The following RCAN3 variants were observed in gnomAD, a reference collection of about 807,000 sequenced individuals.
RCAN3 encodes the protein calcipressin-3.
RCAN3 carries 19 observed loss-of-function variants against 21.9 expected under a neutral mutation model. That is an observed-to-expected ratio of 0.87 (90% CI 0.61 to 1.27). The LOEUF is 1.27. Among genes scored for constraint, RCAN3 ranks in the 50% most tolerant of loss-of-function variants. The pLI, the probability that RCAN3 is intolerant of heterozygous loss-of-function variation, is 0.00. For synonymous variants in RCAN3, 114 were observed against 112.3 expected, an observed-to-expected ratio of 1.01 and a Z score of -0.09; for missense variants, 240 against 300.1, an observed-to-expected ratio of 0.80 and a Z score of 1.48.
chr1:24,514,339 C>G lies in RCAN3; in HGVS notation c.-34C>G. 6.3e-7 allele frequency: 1 copy of G among 1,583,314 alleles called. No individual in the cohort carries two copies. Among genetic ancestry groups the G allele is most frequent in the African/African-American group, 1.4e-5 (1 of 73,956 alleles). On this transcript the variant is annotated 5_prime_UTR_variant, in exon 2 of 5. Coordinates refer to ENST00000374395, the MANE Select transcript of RCAN3 (RefSeq NM_013441.4). ...TGGGTGCCTGATAGACATCCTAGGA[C>G]TATACAGAAGGAAAAGGCCCACTTT... is the stretch of plus-strand genomic sequence containing the variant.
At chr1:24,523,794 A>G (rs890138165) in intron 2 of RCAN3, among the ~76,000 whole-genome samples, 4 of 152,190 alleles carry the variant, frequency 2.6e-5, no homozygotes, top group Non-Finnish European at 4.4e-5. Context: ...TGAGATAAGC[A>G]TCTTCAATTA....
intron 1 of RCAN3, among the ~76,000 whole-genome samples, chr1:24,506,318 G>A (rs1018050835): frequency 6.6e-6 from 1 of 152,086 alleles, no homozygotes; most frequent in African/African-American, 2.4e-5. Context: ...CAAATAATTT[G>A]ACAATAATCT....
At chr1:24,512,303 C>G (rs975623220) in intron 1 of RCAN3, among the ~76,000 whole-genome samples, 1 of 150,836 alleles carries the variant, frequency 6.6e-6, no homozygotes, top group Non-Finnish European at 1.5e-5. Context: ...GAGCCAAGAT[C>G]GTACTACTGC....
chr1:24,534,655 C>T (rs1170155416), intron 4 of RCAN3, among the ~76,000 whole-genome samples: 2 of 150,388 alleles, frequency 1.3e-5, no homozygotes. Flanking sequence ...CAAAAATTAG[C>T]TGGGCGTGGT....
chr1:24,531,677 C>T (rs1024309171), intron 3 of RCAN3, among the ~76,000 whole-genome samples: 5 of 152,198 alleles, frequency 3.3e-5, no homozygotes, highest in African/African-American at 1.2e-4. Flanking sequence ...TACGCCCTGA[C>T]ACCCTAGTGT....
intron 2 of RCAN3, among the ~76,000 whole-genome samples, chr1:24,514,854 A>T (rs1171142234): frequency 6.6e-6 from 1 of 151,956 alleles, no homozygotes; most frequent in Non-Finnish European, 1.5e-5. Context: ...CTGTAATCCC[A>T]GCTACTCGCA....
chr1:24,528,241 A>G (rs1649429327), intron 2 of RCAN3, among the ~76,000 whole-genome samples: 1 of 143,028 alleles, frequency 7.0e-6, no homozygotes, highest in African/African-American at 2.6e-5. Flanking sequence ...GAGAAAAAAT[A>G]GTTGGAAAAA....
At chr1:24,503,559 C>T (rs1020062449) in intron 1 of RCAN3, among the ~76,000 whole-genome samples, 1 of 152,242 alleles carries the variant, frequency 6.6e-6, no homozygotes, top group Non-Finnish European at 1.5e-5. Context: ...GCTTCCCCCA[C>T]GGTGCGTGGA....
intron 2 of RCAN3, among the ~76,000 whole-genome samples, chr1:24,514,998 C>G (rs1214465495): frequency 1.3e-5 from 2 of 151,704 alleles, no homozygotes; most frequent in Non-Finnish European, 2.9e-5. Context: ...TGTATGTCCA[C>G]TTTTAGATGT....
At chr1:24,516,072 G>A (rs986198421) in intron 2 of RCAN3, among the ~76,000 whole-genome samples, 2 of 152,156 alleles carry the variant, frequency 1.3e-5, no homozygotes, top group African/African-American at 4.8e-5. Context: ...GAACCTGGGA[G>A]GCAGAGGTTG....
At chr1:24,526,388 C>A (rs1381091748) in intron 2 of RCAN3, among the ~76,000 whole-genome samples, 1 of 151,866 alleles carries the variant, frequency 6.6e-6, no homozygotes, top group Non-Finnish European at 1.5e-5. Context: ...TTAATCCTAT[C>A]ACAGGTATTG....
In RCAN3 at chr1:24,540,159, C is replaced by T. The variant is rs953978447; in HGVS notation, c.*4882C>T. 3.3e-5 allele frequency: 5 copies of T among 152,180 alleles called. No individual in the cohort carries two copies. Among genetic ancestry groups the T allele is most frequent in the Non-Finnish European group, 7.4e-5 (5 of 68,024 alleles). The allele number at this position is 152,180 out of a possible 1,614,324, so 9.4% of individuals were successfully genotyped here. On this transcript the variant is annotated 3_prime_UTR_variant, in exon 5 of 5. Transcript: ENST00000374395. ...GACTGTTTTCTTATTACCAAATGTA[C>T]AATCCATAAGACAACTGAAAGCAAC... is the stretch of plus-strand genomic sequence containing the variant.
intron 2 of RCAN3, among the ~76,000 whole-genome samples, chr1:24,528,354 A>G (rs1649448686): frequency 6.6e-6 from 1 of 152,218 alleles, no homozygotes; most frequent in African/African-American, 2.4e-5. Context: ...TCAGTAATCA[A>G]CAATGGACTA....
chr1:24,516,413 G>C (rs1330732722), intron 2 of RCAN3, among the ~76,000 whole-genome samples: 1 of 152,216 alleles, frequency 6.6e-6, no homozygotes, highest in East Asian at 1.9e-4. Flanking sequence ...GAGAAGGGCT[G>C]TGAGAGCTGG....
chr1:24,520,373 T>C (rs942145119), intron 2 of RCAN3, among the ~76,000 whole-genome samples: 2 of 152,130 alleles, frequency 1.3e-5, no homozygotes, highest in African/African-American at 4.8e-5. Context: ...GTTATAGACA[T>C]TGCTACAAAA....
At chr1:24,506,757 AT>A (rs11435534) in intron 1 of RCAN3, among the ~76,000 whole-genome samples, 2,425 of 146,638 alleles carry the variant, frequency 0.017, 21 homozygotes, top group Non-Finnish European at 0.025. Context: ...TATTCTAAGA[AT>A]TTTTTTTTTT....
chr1:24,515,427 G>GGTGTGT (rs67348372), intron 2 of RCAN3, among the ~76,000 whole-genome samples: 4,550 of 146,432 alleles, frequency 0.031, 238 homozygotes, highest in African/African-American at 0.11. Flanking sequence ...TAGAAAGAGA[G>GGTGTGT]GTGTGTGTGT....
At position 24,540,709 on chromosome 1, in the gene RCAN3, C is replaced by T. The variant is rs908029445; in HGVS notation, c.*5432C>T. ...CCAAGAGTCAAAGTTATTATTTTCT[C>T]CGAACGTGTTTGTGATCTTCTGTTA... On this transcript the variant is annotated 3_prime_UTR_variant, in exon 5 of 5. Coordinates refer to ENST00000374395, the MANE Select transcript of RCAN3 (RefSeq NM_013441.4). The T allele has an allele frequency of 1.3e-5, 2 of 152,152 alleles. No homozygotes were observed. Among genetic ancestry groups the T allele is most frequent in the African/African-American group, 4.8e-5 (2 of 41,418 alleles). The allele number at this position is 152,152 out of a possible 1,614,324, so 9.4% of individuals were successfully genotyped here.
intron 2 of RCAN3, among the ~76,000 whole-genome samples, chr1:24,517,065 C>T (rs1648378853): frequency 6.6e-6 from 1 of 150,448 alleles, no homozygotes; most frequent in African/African-American, 2.5e-5. Flanking sequence ...AGAAACGTCA[C>T]AATCTTTTCT....
Sources: gnomAD v4.1 joint callset for allele counts (sites outside exome capture counted in the v4.1 genomes callset) on GRCh38, gnomAD v4.1.1 for gene constraint, MANE v1.5 for transcripts, NCBI Gene and HGNC (gene_info 2026-07-23, HGNC 2026-07-21) for gene names.